The following LRP1B variants were observed in gnomAD, a reference collection of about 807,000 sequenced individuals.
LRP1B encodes LDL receptor related protein 1B.
In LRP1B, 217 loss-of-function variants were observed where a neutral mutation model predicts 556.6. The observed-to-expected ratio is 0.39, with a 90% CI of 0.35 to 0.44. The LOEUF (loss-of-function observed/expected upper bound fraction) is 0.44, where lower values mean the gene tolerates loss of function less well. LRP1B is among the 20% of genes least tolerant of loss of function. The pLI is 1.00. For synonymous variants in LRP1B, 2,047 were observed against 1,865.8 expected (o/e 1.10, Z -2.50); for missense variants, 5,053 against 5,620.8 (o/e 0.90, Z 3.23).
At chr2:142,022,158 A>G (rs1162207247) in intron 1 of LRP1B, among the ~76,000 whole-genome samples, 1 of 151,852 alleles carries the variant, frequency 6.6e-6, no homozygotes, top group Non-Finnish European at 1.5e-5. Flanking sequence ...CAGTTCATAT[A>G]TTTAAGAATA....
At chr2:141,533,820 A>G (rs12993511) in intron 2 of LRP1B, among the ~76,000 whole-genome samples, 51,687 of 151,982 alleles carry the variant, frequency 0.34, 9,779 homozygotes, top group Non-Finnish European at 0.43. Context: ...CATGGTTGTT[A>G]ATGGCATCCC....
intron 24 of LRP1B, 147 bp downstream of exon 24, chr2:140,885,991 C>T (rs1023397065): frequency 7.1e-6 from 4 of 560,898 alleles, no homozygotes; most frequent in African/African-American, 1.9e-5. Context: ...CACAGATGCT[C>T]AATATCCCTG....
chr2:140,729,216 T>C lies in LRP1B; in HGVS notation c.5759-12400A>G, dbSNP rs558418393. Among the ~76,000 whole-genome samples the C allele has an allele frequency of 2.6e-5, 4 of 152,262 alleles. No individual in the cohort carries two copies. The South Asian group carries it at 8.3e-4, about 32-fold the overall frequency. On this transcript the variant is annotated intron_variant, in intron 35 of 90. Coordinates refer to ENST00000389484, the MANE Select transcript of LRP1B (RefSeq NM_018557.3). The stretch of plus-strand genomic sequence containing the variant: ...CTGTAAAAATATTCAGACACTGCTA[T>C]ATGTTTCAAGATCATCGCCTGTGAT...
intron 1 of LRP1B, among the ~76,000 whole-genome samples, chr2:142,068,451 A>C (rs978383590): frequency 1.1e-4 from 17 of 151,548 alleles, no homozygotes; most frequent in African/African-American, 3.9e-4. Context: ...AGCTTTAAAT[A>C]GAATCTTTGT....
intron 1 of LRP1B, among the ~76,000 whole-genome samples, chr2:141,913,615 C>G (rs544891003): frequency 6.6e-6 from 1 of 152,142 alleles, no homozygotes; most frequent in South Asian, 2.1e-4. Context: ...AAGGAATACC[C>G]CACTTGGAAA....
chr2:141,309,016 A>T (rs1429959032), intron 3 of LRP1B, among the ~76,000 whole-genome samples: 1 of 152,344 alleles, frequency 6.6e-6, no homozygotes, highest in Middle Eastern at 3.4e-3. Flanking sequence ...ATATAAATCC[A>T]GGTAATCCAG....
intron 2 of LRP1B, among the ~76,000 whole-genome samples, chr2:141,511,119 C>T (rs1684115983): frequency 6.6e-6 from 1 of 152,152 alleles, no homozygotes; most frequent in Admixed American, 6.6e-5. Flanking sequence ...CAGCATAGAG[C>T]TGTCGTGCCC....
chr2:141,959,179 T>A (rs1701339400), intron 1 of LRP1B, among the ~76,000 whole-genome samples: 1 of 151,980 alleles, frequency 6.6e-6, no homozygotes, highest in Admixed American at 6.6e-5. Flanking sequence ...ACATAGCTCT[T>A]GTTTAGGATA....
chr2:142,096,967 T>G (rs1706394868), intron 1 of LRP1B, among the ~76,000 whole-genome samples: 1 of 151,494 alleles, frequency 6.6e-6, no homozygotes, highest in South Asian at 2.1e-4. Flanking sequence ...TGGAGTGACT[T>G]TATAATCGCT....
intron 31 of LRP1B, among the ~76,000 whole-genome samples, chr2:140,815,684 G>A (rs1470092253): frequency 6.6e-6 from 1 of 151,824 alleles, no homozygotes; most frequent in South Asian, 2.1e-4. Flanking sequence ...TATTTAGGAT[G>A]GTTTACTTTT....
At chr2:140,681,969 G>A (rs1685875155) in intron 41 of LRP1B, among the ~76,000 whole-genome samples, 1 of 152,130 alleles carries the variant, frequency 6.6e-6, no homozygotes, top group African/African-American at 2.4e-5. Flanking sequence ...AGGCATGTGT[G>A]GATGTAACTA....
intron 2 of LRP1B, among the ~76,000 whole-genome samples, chr2:141,658,020 C>G (rs927878083): frequency 3.3e-5 from 5 of 152,138 alleles, no homozygotes; most frequent in African/African-American, 9.7e-5. Flanking sequence ...GAAAATGTAT[C>G]CTTGCCAAAT....
chr2:142,118,595 T>C (rs1707353787), intron 1 of LRP1B, among the ~76,000 whole-genome samples: 2 of 152,156 alleles, frequency 1.3e-5, no homozygotes, highest in African/African-American at 4.8e-5. Flanking sequence ...CCTGTTCCCA[T>C]AGTACTTTCC....
intron 1 of LRP1B, among the ~76,000 whole-genome samples, chr2:142,071,330 C>G (rs1705302652): frequency 6.6e-6 from 1 of 151,836 alleles, no homozygotes; most frequent in Admixed American, 6.6e-5. Context: ...CCTTTCTGAA[C>G]CAATGCTTGT....
rs186831758 is a variant in LRP1B at position 141,090,898 on chromosome 2, C to T, written c.1014-28625G>A. Reference sequence around the variant, plus strand: ...TACTTGTACTGATAAGAAGATTTGACTGCAAATATCAAAGATGAAATGTAG... The same window carrying T: ...TACTTGTACTGATAAGAAGATTTGATTGCAAATATCAAAGATGAAATGTAG... On this transcript the variant is annotated intron_variant, in intron 7 of 90. Coordinates refer to ENST00000389484, the MANE Select transcript of LRP1B (RefSeq NM_018557.3). Among the ~76,000 whole-genome samples, 29 of 152,140 alleles carry T rather than the reference C, an allele frequency of 1.9e-4. No homozygotes were observed. In the East Asian group the frequency reaches 5.4e-3, roughly 28 times the overall value.
intron 6 of LRP1B, among the ~76,000 whole-genome samples, chr2:141,227,707 A>G (rs956037592): frequency 5.9e-5 from 9 of 152,166 alleles, no homozygotes; most frequent in African/African-American, 2.2e-4. Flanking sequence ...TTATACCTGT[A>G]TGTCCTATTT....
intron 3 of LRP1B, among the ~76,000 whole-genome samples, chr2:141,293,022 A>G (rs1231139359): frequency 6.6e-6 from 1 of 152,092 alleles, no homozygotes; most frequent in Admixed American, 6.5e-5. Context: ...TATCTTCTCA[A>G]TTTTCCTCCT....
chr2:141,415,850 A>G lies in LRP1B; in HGVS notation c.343+64546T>C, dbSNP rs537808186. On this transcript the variant is annotated intron_variant, in intron 3 of 90. Coordinates refer to ENST00000389484, the MANE Select transcript of LRP1B (RefSeq NM_018557.3). ...AGGAAATGTAATAAAGAAAGTTCTC[A>G]AGGTGCTAAAACTATTAACATCTTA... Among the ~76,000 whole-genome samples, 8 of 152,372 alleles carry G rather than the reference A, an allele frequency of 5.3e-5. No homozygotes were observed. The South Asian group carries it at 1.7e-3, about 32-fold the overall frequency.
At chr2:140,838,070 A>C (rs1691974036) in intron 31 of LRP1B, among the ~76,000 whole-genome samples, 1 of 152,316 alleles carries the variant, frequency 6.6e-6, no homozygotes, top group South Asian at 2.1e-4. Context: ...TTTTATTAAA[A>C]AAATTCTGAA....
Sources: gnomAD v4.1 joint callset for allele counts (sites outside exome capture counted in the v4.1 genomes callset) on GRCh38, gnomAD v4.1.1 for gene constraint, MANE v1.5 for transcripts, NCBI Gene and HGNC (gene_info 2026-07-23, HGNC 2026-07-21) for gene names.